Variants in SPMIP2 observed in about 807,000 individuals in gnomAD.
The protein encoded by SPMIP2 is sperm microtubule inner protein 2.
the SPMIP2 span, among the ~76,000 whole-genome samples, chr4:158,962,040 A>G: frequency 6.6e-6 from 1 of 152,114 alleles, no homozygotes; most frequent in East Asian, 1.9e-4. Context: ...AATAATTACA[A>G]CTCCAATTTG....
At chr4:159,044,104 A>C in the SPMIP2 span, among the ~76,000 whole-genome samples, 1 of 152,252 alleles carries the variant, frequency 6.6e-6, no homozygotes, top group South Asian at 2.1e-4. Context: ...CTTGTTGTAT[A>C]TTTTATCAAG....
chr4:158,896,768 CTCTT>C, the SPMIP2 span, among the ~76,000 whole-genome samples: 1 of 149,506 alleles, frequency 6.7e-6, no homozygotes, highest in Non-Finnish European at 1.5e-5. Context: ...TGCAACATGT[CTCTT>C]TGTCGTTTTT....
chr4:158,952,657 G>T, the SPMIP2 span, among the ~76,000 whole-genome samples: 1 of 152,184 alleles, frequency 6.6e-6, no homozygotes. Flanking sequence ...CAGTTTGGAG[G>T]CCTCAGAAGA....
chr4:159,082,463 G>GTGTGTGTATGTGTGTGTGTGTGTGTGTA, the SPMIP2 span, among the ~76,000 whole-genome samples: 7 of 148,776 alleles, frequency 4.7e-5, no homozygotes, highest in African/African-American at 1.7e-4. Flanking sequence ...GTGTGTGTGT[G>GTGTGTGTATGTGTGTGTGTGTGTGTGTA]TGTGTGTGTG....
the SPMIP2 span, among the ~76,000 whole-genome samples, chr4:159,077,844 G>A: frequency 6.6e-6 from 1 of 152,196 alleles, no homozygotes; most frequent in South Asian, 2.1e-4. Context: ...CAATTTAATG[G>A]AACAAAGTAA....
chr4:158,986,521 G>A, the SPMIP2 span, among the ~76,000 whole-genome samples: 2 of 109,216 alleles, frequency 1.8e-5, no homozygotes, highest in African/African-American at 6.4e-5. Context: ...CTTGAGAAAA[G>A]CAATGGAGAA....
At chr4:159,051,499 C>T in the SPMIP2 span, among the ~76,000 whole-genome samples, 1 of 152,348 alleles carries the variant, frequency 6.6e-6, no homozygotes, top group East Asian at 1.9e-4. Context: ...TAAAGCGTCA[C>T]ATTCAAAGCA....
the SPMIP2 span, among the ~76,000 whole-genome samples, chr4:158,983,329 T>C: frequency 2.0e-5 from 3 of 151,302 alleles, no homozygotes; most frequent in African/African-American, 4.9e-5. Context: ...AGATACTCCT[T>C]GAGAAGAGCA....
chr4:159,053,033 T>C, the SPMIP2 span, among the ~76,000 whole-genome samples: 1 of 142,810 alleles, frequency 7.0e-6, no homozygotes, highest in Non-Finnish European at 1.5e-5. Flanking sequence ...CTCGGCTCAC[T>C]GCAAGCTCCG....
the SPMIP2 span, among the ~76,000 whole-genome samples, chr4:158,944,160 T>A: frequency 1.3e-5 from 2 of 151,980 alleles, no homozygotes; most frequent in Non-Finnish European, 2.9e-5. Flanking sequence ...GGCCACATTT[T>A]CTTCCTTATC....
the SPMIP2 span, among the ~76,000 whole-genome samples, chr4:158,964,896 A>C: frequency 6.6e-6 from 1 of 152,180 alleles, no homozygotes; most frequent in Non-Finnish European, 1.5e-5. Context: ...CACCAACAGG[A>C]GAACATCACA....
the SPMIP2 span, among the ~76,000 whole-genome samples, chr4:158,980,729 A>C: frequency 3.9e-5 from 6 of 152,246 alleles, no homozygotes; most frequent in Non-Finnish European, 7.3e-5. Context: ...GAACAAAGGT[A>C]AATAAATCCA....
chr4:159,051,103 C>T, the SPMIP2 span, among the ~76,000 whole-genome samples: 3 of 146,496 alleles, frequency 2.0e-5, no homozygotes, highest in Non-Finnish European at 4.5e-5. Context: ...GGAAAGACTC[C>T]GTCTCAGAAA....
At chr4:159,010,509 T>C in the SPMIP2 span, among the ~76,000 whole-genome samples, 9 of 152,162 alleles carry the variant, frequency 5.9e-5, no homozygotes, top group Non-Finnish European at 1.2e-4. Context: ...AAGGGTCACT[T>C]TAGGCTCTTT....
chr4:159,055,275 C>T, the SPMIP2 span, among the ~76,000 whole-genome samples: 1,395 of 152,298 alleles, frequency 9.2e-3, 24 homozygotes, highest in African/African-American at 0.032. Flanking sequence ...TGTTTGAGGA[C>T]ACCACCTGAC....
chr4:159,020,390 A>G, the SPMIP2 span, among the ~76,000 whole-genome samples: 1 of 152,280 alleles, frequency 6.6e-6, no homozygotes, highest in East Asian at 1.9e-4. Flanking sequence ...TAATGAACAG[A>G]CTACAGGGAT....
At chr4:159,080,334 C>T in the SPMIP2 span, among the ~76,000 whole-genome samples, 1 of 152,058 alleles carries the variant, frequency 6.6e-6, no homozygotes, top group Non-Finnish European at 1.5e-5. Context: ...CTCCCACCTC[C>T]ACCTCCCAAG....
the SPMIP2 span, among the ~76,000 whole-genome samples, chr4:158,923,648 T>C: frequency 6.6e-6 from 1 of 152,226 alleles, no homozygotes; most frequent in Non-Finnish European, 1.5e-5. Flanking sequence ...TAAGATCATG[T>C]TATCAGCAAC....
chr4:159,041,187 T>C, the SPMIP2 span, among the ~76,000 whole-genome samples: 1 of 152,232 alleles, frequency 6.6e-6, no homozygotes, highest in African/African-American at 2.4e-5. Context: ...TTGGGTAAGA[T>C]GACGCTGAGA....
Sources: gnomAD v4.1 joint callset for allele counts (sites outside exome capture counted in the v4.1 genomes callset) on GRCh38, gnomAD v4.1.1 for gene constraint, MANE v1.5 for transcripts, NCBI Gene and HGNC (gene_info 2026-07-23, HGNC 2026-07-21) for gene names.